RNF213: variants seen among roughly 807,000 people sequenced by gnomAD.
RNF213 encodes the protein ring finger protein 213, also known as E3 ubiquitin-protein ligase RNF213.
Under a neutral mutation model 514.4 loss-of-function variants are expected in RNF213, and 341 were observed. The observed-to-expected ratio is 0.66, with a 90% CI of 0.61 to 0.73. The LOEUF (loss-of-function observed/expected upper bound fraction) is 0.73, where lower values mean the gene tolerates loss of function less well. Among genes scored for constraint, RNF213 ranks in the 30% least tolerant of loss-of-function variants. The probability of loss-of-function intolerance (pLI) is 0.00; values close to 1 mark genes in which losing one functional copy is unlikely to be tolerated. For synonymous variants in RNF213, 2,655 were observed against 2,658.2 expected (o/e 1.00, Z 0.04); for missense variants, 5,767 against 6,615.6 (o/e 0.87, Z 4.45).
Position 80,288,305 on chromosome 17 carries a change from C to T in RNF213, c.752C>T (p.Ser251Phe). ...LLLPESKGGS[S>F]EPGTELQTTE... Reference sequence around the variant, plus strand: ...TTGCCTGAGTCAAAAGGAGGCAGCTCTGAGCCCGGGACAGAACTGCAGACC... The same window carrying T: ...TTGCCTGAGTCAAAAGGAGGCAGCTTTGAGCCCGGGACAGAACTGCAGACC... The change falls in exon 4 of 68, where the codon TCT (serine) becomes TTT (phenylalanine). Residue 251 changes from serine (S) to phenylalanine (F), a missense_variant. By Grantham distance (155) the Ser-to-Phe change is radical. Around this residue, in one of 13 missense-constraint regions of RNF213, gnomAD observed 509 missense variants for 496.7 expected, o/e 1.02. Coordinates refer to ENST00000582970, the MANE Select transcript of RNF213 (RefSeq NM_001256071.3). The surrounding 1 kb of genome is among the most constrained non-coding windows in gnomAD (Gnocchi z 4.9). The T allele has an allele frequency of 6.2e-7, 1 of 1,613,078 alleles. No homozygotes were observed. Among genetic ancestry groups the T allele is most frequent in the Non-Finnish European group, 8.5e-7 (1 of 1,180,030 alleles).
In RNF213 at chr17:80,264,729, C is replaced by T. The variant is rs931962800; in HGVS notation, c.97+951C>T. 2.0e-5 allele frequency among the ~76,000 whole-genome samples: 3 copies of T among 152,100 alleles called. No individual in the cohort carries two copies. The highest frequency in any genetic ancestry group is 4.4e-5 in the Non-Finnish European group (3 of 68,014). Reference sequence around the variant, plus strand: ...CAGCAGACAGTCAAACCACAGACCCCCTTACAAGATCCGCCCCTGCCCCCG... The same window carrying T: ...CAGCAGACAGTCAAACCACAGACCCTCTTACAAGATCCGCCCCTGCCCCCG... On this transcript the variant is annotated intron_variant, in intron 2 of 67. Transcript: ENST00000582970. This position sits in a 1 kb window ranked among gnomAD's most constrained non-coding sequence, Gnocchi z 5.0.
Position 80,379,617 on chromosome 17 carries a change from T to TA in RNF213, c.13546-2dup, listed in dbSNP as rs1186154043. 1 of 1,613,830 alleles carries TA rather than the reference T, an allele frequency of 6.2e-7. No homozygotes were observed. The highest frequency in any genetic ancestry group is 2.2e-5 in the East Asian group (1 of 44,886). ...TGGTTCTAGTGCCCTGTCTTCACCCTAGTGTGGCAGGCCGATGGAACAGAG... is the reference window on the plus strand; with the variant it reads ...TGGTTCTAGTGCCCTGTCTTCACCCTAAGTGTGGCAGGCCGATGGAACAGAG... On this transcript the variant is annotated splice_region_variant and splice_polypyrimidine_tract_variant and intron_variant, in intron 54 of 67. Transcript: ENST00000582970.
chr17:80,375,961 C>CATAATTTTTTTGAG, intron 51 of RNF213, 91 bp downstream of exon 51: 1 of 1,040,794 alleles, frequency 9.6e-7, no homozygotes, highest in East Asian at 2.4e-5. Context: ...CAAATCATAC[C>CATAATTTTTTTGAG]ATAATTTTTT....
At chr17:80,359,906 C>G (rs886327546) in intron 37 of RNF213, among the ~76,000 whole-genome samples, 155 bp from the exon 38 acceptor site, 1 of 152,232 alleles carries the variant, frequency 6.6e-6, no homozygotes, top group Non-Finnish European at 1.5e-5. Flanking sequence ...ATAACAGAAA[C>G]CCTGTACTGT....
intron 11 of RNF213, chr17:80,298,735 C>T (rs542815062): frequency 4.0e-5 from 21 of 521,350 alleles, no homozygotes; most frequent in South Asian, 2.8e-4. Context: ...GAGGCTGAGA[C>T]GGGTGGATCA....
intron 17 of RNF213, chr17:80,319,664 G>C (rs192477067): frequency 1.9e-5 from 28 of 1,474,730 alleles, no homozygotes; most frequent in Middle Eastern, 2.5e-4. Context: ...TTGCTCAGTA[G>C]GTGTGCGGGA....
At chr17:80,262,928 CAGA>C (rs2043475202) in intron 1 of RNF213, among the ~76,000 whole-genome samples, 1 of 152,172 alleles carries the variant, frequency 6.6e-6, no homozygotes, top group African/African-American at 2.4e-5. Flanking sequence ...TCCAAGCCAG[CAGA>C]AGAAGGTGGT....
At position 80,375,764 on chromosome 17, in the gene RNF213, G is replaced by A; in HGVS notation, c.13079G>A (p.Cys4360Tyr). 1 of 1,612,792 alleles carries A rather than the reference G, an allele frequency of 6.2e-7. No individual in the cohort carries two copies. Among genetic ancestry groups the A allele is most frequent in the Non-Finnish European group, 8.5e-7 (1 of 1,178,846 alleles). The change falls in exon 51 of 68, where the codon TGC (cysteine) becomes TAC (tyrosine). Residue 4360 changes from cysteine to tyrosine, a missense_variant. Physicochemically the swap from Cys to Tyr is radical, Grantham distance 194 (BLOSUM62 -2). Coordinates refer to ENST00000582970, the MANE Select transcript of RNF213 (RefSeq NM_001256071.3). ...PLGIKTALKACKTPQSQQSAY... is the reference protein window; with the variant it reads ...PLGIKTALKAYKTPQSQQSAY... ...TTGATACCCTTGATTTTGCAGGCCT[G>A]CAAGACCCCCCAAAGCCAGCAGTCA... is the stretch of plus-strand genomic sequence containing the variant.
rs530006734 is a variant in RNF213, at chr17:80,381,827, G to A, written c.13978+100G>A. On this transcript the variant is annotated intron_variant, in intron 57 of 67. Transcript: ENST00000582970. ...GCCACCCCACACACAGCCAGTCTGA[G>A]CTCTGTCTGTGCTGTTGCTGGAAAG... 130 of 1,111,620 alleles carry A rather than the reference G, an allele frequency of 1.2e-4. No homozygotes were observed. The Admixed American group carries it at 2.3e-3, about 20-fold the overall frequency. 68.9% of individuals were successfully genotyped at this position (1,111,620 alleles called of 1,614,324 possible). A position where few individuals can be genotyped will look rare whatever the true frequency, so the allele number is the denominator to read the frequency against.
chr17:80,315,743 TGGTG>T (rs2045901775), intron 15 of RNF213: 1 of 61,112 alleles, frequency 1.6e-5, no homozygotes, highest in Non-Finnish European at 3.3e-5. Context: ...GTGATGGTGG[TGGTG>T]GTGGAGGTGA....
chr17:80,305,319 C>T (rs538594214), intron 11 of RNF213, among the ~76,000 whole-genome samples: 3 of 151,450 alleles, frequency 2.0e-5, no homozygotes, highest in South Asian at 2.1e-4. Flanking sequence ...GCTGGGATTA[C>T]AGGTGTGCGC....
chr17:80,393,262 T>TGAGC, intron 67 of RNF213, 83 bp from the exon 68 acceptor site: 1 of 1,142,006 alleles, frequency 8.8e-7, no homozygotes, highest in Non-Finnish European at 1.2e-6. Context: ...CTTACACACG[T>TGAGC]GAGCCACACA....
intron 65 of RNF213, among the ~76,000 whole-genome samples, 193 bp from the exon 66 acceptor site, chr17:80,389,635 G>A (rs1057028349): frequency 6.6e-6 from 1 of 152,206 alleles, no homozygotes; most frequent in African/African-American, 2.4e-5. Context: ...TGATGTGAGC[G>A]GGCTGTGAGG....
chr17:80,359,186 C>T (rs763307556), intron 37 of RNF213, among the ~76,000 whole-genome samples: 2 of 152,058 alleles, frequency 1.3e-5, no homozygotes, highest in Non-Finnish European at 2.9e-5. Flanking sequence ...GCTTCCACTT[C>T]AGCTTTCAGG....
chr17:80,345,774 T>G lies in RNF213; in HGVS notation c.7439T>G (p.Leu2480Trp), dbSNP rs991902221. The change falls in exon 29 of 68, where the codon TTG becomes TGG. Residue 2480 changes from leucine to tryptophan, a missense_variant. Transcript: ENST00000582970. The surrounding 1 kb of genome is among the most constrained non-coding windows in gnomAD (Gnocchi z 6.0). ...VAFANKDQHQ[L>W]DTILFFDEAN... is the part of the protein sequence containing the mutation. The stretch of plus-strand genomic sequence containing the variant: ...TTCGCCAATAAGGACCAACATCAGT[T>G]GGACACCATCTTGTTTTTTGATGAA... 5 of 1,614,080 alleles carry G rather than the reference T, an allele frequency of 3.1e-6. No individual in the cohort carries two copies. In the Admixed American group the frequency reaches 5.0e-5, roughly 16 times the overall value.
At position 80,390,036 on chromosome 17, in the gene RNF213, A is replaced by C; in HGVS notation, c.15310A>C (p.Arg5104=). The stretch of plus-strand genomic sequence containing the variant: ...GGAGCCATTTGGGGAAATCAGTTCA[A>C]GGTACAAAGCGGATCTGAGCCCGGA... ...HKEPFGEISS[R]YKADLSPENA... The change falls in exon 67 of 68, where the codon AGG becomes CGG. Residue 5104 remains arginine (R), a synonymous_variant. Coordinates refer to ENST00000582970, the MANE Select transcript of RNF213 (RefSeq NM_001256071.3). The C allele has an allele frequency of 1.2e-6, 2 of 1,614,238 alleles. No individual in the cohort carries two copies. Among genetic ancestry groups the C allele is most frequent in the South Asian group, 2.2e-5 (2 of 91,088 alleles).
chr17:80,279,086 T>C (rs2044168304), intron 3 of RNF213, among the ~76,000 whole-genome samples: 1 of 152,240 alleles, frequency 6.6e-6, no homozygotes, highest in African/African-American at 2.4e-5. Context: ...TGATTCAGGC[T>C]TGGCTCTTGT....
At chr17:80,276,802 C>T (rs993745647) in intron 3 of RNF213, among the ~76,000 whole-genome samples, 4 of 152,084 alleles carry the variant, frequency 2.6e-5, no homozygotes, top group Non-Finnish European at 5.9e-5. Context: ...CCTGTCATCC[C>T]AGCACTTTGG....
chr17:80,291,560 G>A (rs543919302), intron 7 of RNF213, 68 bp from the exon 8 acceptor site: 179 of 1,490,280 alleles, frequency 1.2e-4, no homozygotes, highest in East Asian at 8.8e-4. Context: ...TCCATGCTAC[G>A]TTTGAGAATA....
Sources: gnomAD v4.1 joint callset for allele counts (sites outside exome capture counted in the v4.1 genomes callset) on GRCh38, gnomAD v4.1.1 for gene constraint, gnomAD v4.1.1 regional missense constraint, Gnocchi (gnomAD v3.1) non-coding constraint, MANE v1.5 for transcripts, NCBI Gene and HGNC (gene_info 2026-07-23, HGNC 2026-07-21) for gene names.